The following BBS2 variants were observed in gnomAD, a reference collection of about 807,000 sequenced individuals.
BBS2 encodes the protein Bardet-Biedl syndrome 2.
Under a neutral mutation model 83.0 loss-of-function variants are expected in BBS2, and 62 were observed. That is an observed-to-expected ratio of 0.75 (90% confidence interval 0.61 to 0.92). BBS2 has a LOEUF of 0.92. Ranked by LOEUF, BBS2 falls within the 40% of genes least tolerant of loss-of-function variation. The pLI is 0.00. For missense variants in BBS2, 784 were observed against 901.0 expected, an observed-to-expected ratio of 0.87 and a Z score of 1.66; for synonymous variants, 303 against 326.1, an observed-to-expected ratio of 0.93 and a Z score of 0.76.
chr16:56,519,097 G>A (rs1197483437), intron 1 of BBS2, among the ~76,000 whole-genome samples: 1 of 152,086 alleles, frequency 6.6e-6, no homozygotes, highest in African/African-American at 2.4e-5. Context: ...TTGGGAGGCC[G>A]AGGCAGGTAA....
rs2144095498 is a variant in BBS2 at position 56,485,643 on chromosome 16, A to C, written c.2006T>G (p.Leu669Trp). 6.2e-7 allele frequency: 1 copy of C among 1,614,196 alleles called. No homozygotes were observed. The highest frequency in any genetic ancestry group is 8.5e-7 in the Non-Finnish European group (1 of 1,180,012). ...TTGATTTACTGCTTTGAGGTTTCCCAACAGCTCTGTGTGATTGTTACAGCG... is the reference window on the plus strand; with the variant it reads ...TTGATTTACTGCTTTGAGGTTTCCCCACAGCTCTGTGTGATTGTTACAGCG... ...KIRCNNHTEL[L>W]GNLKAVNQAI... is the part of the protein sequence containing the mutation. Residue 669 changes from leucine to tryptophan, a missense_variant, in exon 16 of 17, where the codon TTG becomes TGG. Coordinates refer to ENST00000245157, the MANE Select transcript of BBS2 (RefSeq NM_031885.5).
At chr16:56,490,128 GCACACA>G (rs149944639) in intron 15 of BBS2, among the ~76,000 whole-genome samples, 59 of 113,146 alleles carry the variant, frequency 5.2e-4, no homozygotes, top group African/African-American at 1.2e-3. Context: ...ACACACACAC[GCACACA>G]CACACACACA....
intron 5 of BBS2, chr16:56,509,579 A>C: frequency 4.8e-6 from 1 of 208,312 alleles, no homozygotes; most frequent in South Asian, 7.5e-5. Flanking sequence ...TTATCTTCCT[A>C]TTAGGGTTGT....
At chr16:56,514,418 A>C in intron 2 of BBS2, 35 bp downstream of exon 2, 5 of 1,577,716 alleles carry the variant, frequency 3.2e-6, no homozygotes, top group Non-Finnish European at 4.4e-6. Context: ...ATTAATGAGT[A>C]ATGACAATTT....
At chr16:56,490,930 T>TTTTTGTA (rs1963933493) in intron 15 of BBS2, among the ~76,000 whole-genome samples, 1 of 151,782 alleles carries the variant, frequency 6.6e-6, no homozygotes, top group African/African-American at 2.4e-5. Context: ...ACCGGCTGAT[T>TTTTTGTA]TTTTGTATTT....
At chr16:56,498,952 G>A in intron 12 of BBS2, 1 of 337,978 alleles carries the variant, frequency 3.0e-6, no homozygotes, top group Non-Finnish European at 5.7e-6. Context: ...GGACAATGTA[G>A]CGTGCTTAAA....
chr16:56,498,771 C>G, intron 12 of BBS2: 1 of 1,395,014 alleles, frequency 7.2e-7, no homozygotes, highest in Admixed American at 2.3e-5. Flanking sequence ...GTCACATTCC[C>G]TTTTCTCACC....
intron 12 of BBS2, 167 bp downstream of exon 12, chr16:56,499,611 C>T: frequency 1.2e-6 from 1 of 822,238 alleles, no homozygotes; most frequent in Non-Finnish European, 2.0e-6. Flanking sequence ...GGTATTTTAG[C>T]AATATTTTTA....
chr16:56,490,614 C>T (rs778012784), intron 15 of BBS2, among the ~76,000 whole-genome samples: 59 of 152,014 alleles, frequency 3.9e-4, no homozygotes, highest in Admixed American at 1.4e-3. Context: ...GCACTCCAGG[C>T]TGGGCAACAG....
At chr16:56,477,281 G>A (rs1963524843) in intron 17 of BBS2, 1 of 152,236 alleles carries the variant, frequency 6.6e-6, no homozygotes, top group Non-Finnish European at 1.5e-5. Context: ...CCCACTGCCT[G>A]TGGCCTTGTT....
chr16:56,480,369 A>AAAAAAC (rs1963639742), downstream of BBS2, among the ~76,000 whole-genome samples: 1 of 145,376 alleles, frequency 6.9e-6, no homozygotes, highest in African/African-American at 2.5e-5. Context: ...AAAAAAACAA[A>AAAAAAC]AAAAAAAACA....
chr16:56,501,258 C>G (rs1314050307), intron 10 of BBS2, 95 bp downstream of exon 10: 13 of 1,510,478 alleles, frequency 8.6e-6, no homozygotes, highest in Non-Finnish European at 1.2e-5. Flanking sequence ...TGCAGTGAGC[C>G]AAGACAGAGG....
At chr16:56,482,996 C>T (rs1963687366), downstream of BBS2, among the ~76,000 whole-genome samples, 1 of 152,210 alleles carries the variant, frequency 6.6e-6, no homozygotes, top group Non-Finnish European at 1.5e-5. Context: ...GCTCTGCTAA[C>T]AACAGCAGTA....
chr16:56,517,136 T>A (rs1257037733), intron 1 of BBS2, among the ~76,000 whole-genome samples: 4 of 152,122 alleles, frequency 2.6e-5, no homozygotes, highest in Admixed American at 2.0e-4. Context: ...CTCCGACACC[T>A]ACCTCCCTAC....
intron 15 of BBS2, among the ~76,000 whole-genome samples, chr16:56,495,767 T>G (rs1448035647): frequency 1.0e-4 from 2 of 19,990 alleles, no homozygotes; most frequent in Non-Finnish European, 8.5e-5. Flanking sequence ...TGTGTATATA[T>G]GTGTGTGTGT....
At chr16:56,470,582 A>G (rs756829888) in exon 18 of BBS2, 14 of 1,614,090 alleles carry the variant, frequency 8.7e-6, no homozygotes, top group Admixed American at 1.7e-5. Flanking sequence ...CTGCTCTCCA[A>G]CTTCACAGGC....
chr16:56,509,987 A>G lies in BBS2; in HGVS notation c.582T>C (p.Asp194=). The change falls in exon 5 of 17, where the codon GAT becomes GAC. Residue 194 remains aspartate, a synonymous_variant. Transcript: ENST00000245157. ...TTTCTGTCATTTCTGCCACAATCTCATCTTCCTTAAAAACTCGGATATCAA... is the reference window on the plus strand; with the variant it reads ...TTTCTGTCATTTCTGCCACAATCTCGTCTTCCTTAAAAACTCGGATATCAA... ...EDFDIRVFKE[D]EIVAEMTETE... The G allele has an allele frequency of 6.2e-7, 1 of 1,612,082 alleles. No individual in the cohort carries two copies. Among genetic ancestry groups the G allele is most frequent in the East Asian group, 2.2e-5 (1 of 44,832 alleles).
chr16:56,489,967 A>G (rs1166532983), intron 15 of BBS2, among the ~76,000 whole-genome samples: 1 of 151,952 alleles, frequency 6.6e-6, no homozygotes, highest in Non-Finnish European at 1.5e-5. Flanking sequence ...CTACACAAAA[A>G]TTAGCTGGCT....
intron 17 of BBS2, among the ~76,000 whole-genome samples, chr16:56,474,351 ACT>A (rs1963353298): frequency 7.9e-6 from 1 of 126,300 alleles, no homozygotes; most frequent in Non-Finnish European, 1.6e-5. Flanking sequence ...ATGGAGTTTC[ACT>A]CTTGTTGCCC....
Sources: allele counts gnomAD v4.1 joint callset (sites outside exome capture counted in the v4.1 genomes callset), GRCh38; gene constraint gnomAD v4.1.1; transcripts MANE v1.5; gene names NCBI Gene and HGNC (gene_info 2026-07-23, HGNC 2026-07-21).